The following GRIP1 variants were observed in gnomAD, a reference collection of about 807,000 sequenced individuals.
GRIP1 encodes glutamate receptor interacting protein 1, also known as glutamate receptor-interacting protein 1.
In GRIP1, 45 loss-of-function variants were observed where a neutral mutation model predicts 129.9. The ratio of observed to expected loss-of-function variants is 0.35; its 90% CI spans 0.27 to 0.44. The LOEUF (loss-of-function observed/expected upper bound fraction) is 0.44. Ranked by LOEUF, GRIP1 falls within the 20% of genes least tolerant of loss-of-function variation. GRIP1 has a pLI of 1.00. For synonymous variants in GRIP1, 530 were observed against 520.8 expected (o/e 1.02, Z -0.24); for missense variants, 1,196 against 1,396.8 (o/e 0.86, Z 2.29).
intron 5 of GRIP1, among the ~76,000 whole-genome samples, chr12:66,519,148 A>C (rs959817793): frequency 6.6e-6 from 1 of 152,160 alleles, no homozygotes; most frequent in African/African-American, 2.4e-5. Context: ...TAAGAGAAAA[A>C]TTAAAAGGCA....
rs538465360 is a variant in GRIP1, at chr12:67,016,516, A to C, written c.58+52534T>G. ...TAAAGATATGAAAACAGACTCAAAG[A>C]AGCTCAGTGCTCACATGCTCAGCAG... On this transcript the variant is annotated intron_variant, in intron 1 of 1. Coordinates refer to the GRIP1 transcript ENST00000643019. Among the ~76,000 whole-genome samples the C allele has an allele frequency of 3.9e-5, 6 of 152,248 alleles. No individual in the cohort carries two copies. In the East Asian group the frequency reaches 1.2e-3, roughly 29 times the overall value.
At chr12:66,525,369 G>A (rs566685402) in intron 5 of GRIP1, among the ~76,000 whole-genome samples, 82 of 152,154 alleles carry the variant, frequency 5.4e-4, no homozygotes, top group Middle Eastern at 6.9e-3. Context: ...TGCAAGGCTG[G>A]TTGAATCTAC....
At chr12:66,359,377 T>C (rs892988735) in intron 23 of GRIP1, among the ~76,000 whole-genome samples, 1 of 152,162 alleles carries the variant, frequency 6.6e-6, no homozygotes, top group African/African-American at 2.4e-5. Flanking sequence ...TATTGGCCTG[T>C]GATTCTTGGG....
rs2061692554 is a variant in GRIP1 at position 66,539,067 on chromosome 12, A to G, written c.418+11T>C. ...GTATCCCCTATGGATAAGGGGGGCT[A>G]CTGTACTTACAGACCGGTGGAAGCT... is the stretch of plus-strand genomic sequence containing the variant. On this transcript the variant is annotated intron_variant, in intron 4 of 24. Transcript: ENST00000359742. 2 of 1,611,678 alleles carry G rather than the reference A, an allele frequency of 1.2e-6. No individual in the cohort carries two copies. Among genetic ancestry groups the G allele is most frequent in the South Asian group, 1.1e-5 (1 of 91,030 alleles).
chr12:66,400,541 G>T (rs1360306626), intron 16 of GRIP1, among the ~76,000 whole-genome samples: 1 of 152,082 alleles, frequency 6.6e-6, no homozygotes, highest in South Asian at 2.1e-4. Flanking sequence ...TGTCTTCAAA[G>T]GACTAATTTA....
At chr12:66,731,403 A>G (rs2036432961) in intron 1 of GRIP1, among the ~76,000 whole-genome samples, 1 of 152,162 alleles carries the variant, frequency 6.6e-6, no homozygotes, top group African/African-American at 2.4e-5. Flanking sequence ...GGACTGTGGG[A>G]TGAAGGTGCT....
At chr12:66,689,300 A>G (rs2034894122) in intron 1 of GRIP1, among the ~76,000 whole-genome samples, 1 of 152,206 alleles carries the variant, frequency 6.6e-6, no homozygotes, top group Non-Finnish European at 1.5e-5. Flanking sequence ...CGAGGGGCAC[A>G]TGGGAAAGCC....
intron 1 of GRIP1, among the ~76,000 whole-genome samples, chr12:66,684,291 G>C (rs1051144721): frequency 6.6e-6 from 1 of 152,204 alleles, no homozygotes. Context: ...GGATTAACAA[G>C]TAAAACGCAC....
chr12:66,730,482 T>C (rs1221360361), intron 1 of GRIP1, among the ~76,000 whole-genome samples: 3 of 152,104 alleles, frequency 2.0e-5, no homozygotes, highest in African/African-American at 7.2e-5. Flanking sequence ...TTTCTGTTAC[T>C]AAAGATCCAT....
chr12:66,980,994 C>T (rs777305852), intron 1 of GRIP1, among the ~76,000 whole-genome samples: 1 of 152,190 alleles, frequency 6.6e-6, no homozygotes, highest in Non-Finnish European at 1.5e-5. Context: ...TGCAAATGTG[C>T]TGTTTCCTAC....
At chr12:66,935,847 T>A (rs533549119) in intron 1 of GRIP1, among the ~76,000 whole-genome samples, 22 of 152,236 alleles carry the variant, frequency 1.4e-4, no homozygotes, top group Non-Finnish European at 2.9e-4. Context: ...GTATGGCTGC[T>A]GGGATTGGCC....
chr12:66,463,158 C>T, intron 8 of GRIP1, 65 bp from the exon 9 acceptor site: 4 of 1,287,424 alleles, frequency 3.1e-6, no homozygotes, highest in Non-Finnish European at 4.5e-6. Flanking sequence ...ACTTTCATGT[C>T]CTTCATAGTT....
At chr12:66,947,949 C>T (rs183082344) in intron 1 of GRIP1, among the ~76,000 whole-genome samples, 164 of 152,298 alleles carry the variant, frequency 1.1e-3, no homozygotes, top group Admixed American at 6.4e-3. Context: ...TCCTCCATCA[C>T]ATATTTAGTT....
chr12:66,849,192 GACTC>G (rs1416326768), intron 1 of GRIP1, among the ~76,000 whole-genome samples: 1 of 152,014 alleles, frequency 6.6e-6, no homozygotes, highest in Admixed American at 6.6e-5. Flanking sequence ...CTCAGTGCTG[GACTC>G]ACTCACACTT....
Position 66,914,379 on chromosome 12 carries a change from T to C in GRIP1, c.58+154671A>G, listed in dbSNP as rs1320261099. Among the ~76,000 whole-genome samples, 6 of 150,392 alleles carry C rather than the reference T, an allele frequency of 4.0e-5. No homozygotes were observed. In the East Asian group the frequency reaches 1.2e-3, roughly 29 times the overall value. ...CATTCAGGTTGTCTAGAAAAAAACATGTAATGGATATGAATTGTGTTATTG... is the reference window on the plus strand; with the variant it reads ...CATTCAGGTTGTCTAGAAAAAAACACGTAATGGATATGAATTGTGTTATTG... On this transcript the variant is annotated intron_variant, in intron 1 of 1. Coordinates refer to the GRIP1 transcript ENST00000643019.
intron 1 of GRIP1, among the ~76,000 whole-genome samples, chr12:66,787,487 T>G (rs2038389111): frequency 6.6e-6 from 1 of 152,126 alleles, no homozygotes; most frequent in African/African-American, 2.4e-5. Context: ...CCCCTGCAAA[T>G]TCATATGCTG....
chr12:66,771,007 C>T (rs1165556645), intron 1 of GRIP1, among the ~76,000 whole-genome samples: 3 of 152,084 alleles, frequency 2.0e-5, no homozygotes, highest in South Asian at 2.1e-4. Flanking sequence ...GCAGGAGAAT[C>T]GCTTGAACCC....
At chr12:66,581,950 G>GA (rs1189487763) in intron 2 of GRIP1, among the ~76,000 whole-genome samples, 1 of 151,764 alleles carries the variant, frequency 6.6e-6, no homozygotes, top group Non-Finnish European at 1.5e-5. Flanking sequence ...GAGACACAAC[G>GA]AAAAAAGAGA....
At chr12:66,629,631 G>A (rs1359183702) in intron 1 of GRIP1, among the ~76,000 whole-genome samples, 2 of 152,124 alleles carry the variant, frequency 1.3e-5, no homozygotes, top group South Asian at 4.1e-4. Context: ...AAAAGAACGT[G>A]GTTAATTATT....
Sources: gnomAD v4.1 joint callset for allele counts (sites outside exome capture counted in the v4.1 genomes callset) on GRCh38, gnomAD v4.1.1 for gene constraint, MANE v1.5 for transcripts, NCBI Gene and HGNC (gene_info 2026-07-23, HGNC 2026-07-21) for gene names.